The following RUSC2 variants were observed in gnomAD, a reference collection of about 807,000 sequenced individuals.
RUSC2 encodes the protein AP-4 complex accessory subunit RUSC2.
Under a neutral mutation model 122.2 loss-of-function variants are expected in RUSC2, and 34 were observed. The ratio of observed to expected loss-of-function variants is 0.28; its 90% CI spans 0.21 to 0.37. The LOEUF (loss-of-function observed/expected upper bound fraction) is 0.37. RUSC2 is among the 10% of genes least tolerant of loss of function. The pLI, the probability that RUSC2 is intolerant of heterozygous loss-of-function variation, is 1.00. For synonymous variants in RUSC2, 784 were observed against 790.0 expected (o/e 0.99, Z 0.13); for missense variants, 1,747 against 1,952.4 (o/e 0.89, Z 1.98).
rs1554726930 is a variant in RUSC2 at position 35,547,587 on chromosome 9, T to C, written c.1066T>C (p.Ser356Pro). 4 of 1,614,088 alleles carry C rather than the reference T, an allele frequency of 2.5e-6. No homozygotes were observed. Among genetic ancestry groups the C allele is most frequent in the Non-Finnish European group, 3.4e-6 (4 of 1,180,014 alleles). Residue 356 changes from serine (S) to proline (P), a missense_variant, in exon 2 of 12, where the codon TCT becomes CCT. Coordinates refer to ENST00000361226, the MANE Select transcript of RUSC2 (RefSeq NM_014806.5). The surrounding 1 kb of genome is among the most constrained non-coding windows in gnomAD (Gnocchi z 4.6). ...EGGYGCPHAS[S>P]PELDANCNSY... ...GGGCTATGGTTGCCCTCATGCCTCT[T>C]CTCCTGAGCTTGATGCCAACTGCAA...
chr9:35,534,545 G>T (rs919101344), intron 1 of RUSC2, among the ~76,000 whole-genome samples: 2 of 152,060 alleles, frequency 1.3e-5, no homozygotes, highest in African/African-American at 4.8e-5. Context: ...GCAGGGGTGC[G>T]ATCTCAGCTC....
Position 35,555,753 on chromosome 9 carries a change from C to T in RUSC2, c.2656+52C>T. 6.5e-7 allele frequency: 1 copy of T among 1,539,926 alleles called. No individual in the cohort carries two copies. Among genetic ancestry groups the T allele is most frequent in the Non-Finnish European group, 8.7e-7 (1 of 1,152,732 alleles). The stretch of plus-strand genomic sequence containing the variant: ...AACCCGCCACCTCACGCAAGCACTT[C>T]CACCACCTCCCCTTTGAGTGGTTGC... On this transcript the variant is annotated intron_variant, in intron 3 of 11. Transcript: ENST00000361226. This position sits in a 1 kb window ranked among gnomAD's most constrained non-coding sequence, Gnocchi z 4.6.
At chr9:35,503,816 C>G (rs946260262) in intron 1 of RUSC2, among the ~76,000 whole-genome samples, 2 of 152,008 alleles carry the variant, frequency 1.3e-5, no homozygotes, top group Non-Finnish European at 2.9e-5. Flanking sequence ...ACTCTGTCAT[C>G]CAGGCTGGAG....
At position 35,546,814 on chromosome 9, in the gene RUSC2, A is replaced by G. The variant is rs1212195553; in HGVS notation, c.293A>G (p.Lys98Arg). The G allele has an allele frequency of 3.7e-6, 6 of 1,611,992 alleles. No homozygotes were observed. Among genetic ancestry groups the G allele is most frequent in the Admixed American group, 1.7e-5 (1 of 59,774 alleles). The change falls in exon 2 of 12, where the codon AAA becomes AGA. Residue 98 changes from lysine to arginine, a missense_variant. Transcript: ENST00000361226. The surrounding 1 kb of genome is among the most constrained non-coding windows in gnomAD (Gnocchi z 4.3). The part of the protein sequence containing the change: ...SRDGRGPGAP[K>R]RHNPFLLQEG... Reference sequence around the variant, plus strand: ...GATGGAAGAGGCCCTGGAGCCCCCAAACGACACAACCCCTTCTTGCTGCAG... The same window carrying G: ...GATGGAAGAGGCCCTGGAGCCCCCAGACGACACAACCCCTTCTTGCTGCAG...
intron 1 of RUSC2, among the ~76,000 whole-genome samples, chr9:35,522,388 G>C (rs1219942190): frequency 6.6e-6 from 1 of 152,238 alleles, no homozygotes; most frequent in Non-Finnish European, 1.5e-5. Context: ...AGTAAGGAGA[G>C]GGAATTGGAG....
chr9:35,558,154 C>A lies in RUSC2; in HGVS notation c.3061-43C>A. On this transcript the variant is annotated intron_variant, in intron 6 of 11. Transcript: ENST00000361226. This position sits in a 1 kb window ranked among gnomAD's most constrained non-coding sequence, Gnocchi z 4.3. ...GGGCCTGCTACGAGAGGACCACAGT[C>A]AGGCCTGAGGGGGTTTCCTGCACTT... 1 of 1,601,914 alleles carries A rather than the reference C, an allele frequency of 6.2e-7. No individual in the cohort carries two copies. The highest frequency in any genetic ancestry group is 8.5e-7 in the Non-Finnish European group (1 of 1,174,188).
At chr9:35,554,504 A>G (rs1821966159) in intron 2 of RUSC2, among the ~76,000 whole-genome samples, 1 of 152,224 alleles carries the variant, frequency 6.6e-6, no homozygotes, top group Admixed American at 6.5e-5. Context: ...GAAGTCAGTA[A>G]CATCTGAAAC....
intron 1 of RUSC2, among the ~76,000 whole-genome samples, chr9:35,505,657 T>C (rs1162131562): frequency 6.6e-6 from 1 of 152,182 alleles, no homozygotes; most frequent in African/African-American, 2.4e-5. Flanking sequence ...TTGAAAATGA[T>C]TGAAATCCAA....
chr9:35,556,096 G>T lies in RUSC2; in HGVS notation c.2801G>T (p.Gly934Val), dbSNP rs753299641. ...ARRNPIFEFP[G>V]SLSAASHLNC... ...AGAAACCCTATCTTTGAGTTCCCTGGCTCCCTCAGTGCTGCCAGCCATCTG... is the reference window on the plus strand; with the variant it reads ...AGAAACCCTATCTTTGAGTTCCCTGTCTCCCTCAGTGCTGCCAGCCATCTG... The change falls in exon 4 of 12, where the codon GGC becomes GTC. Residue 934 changes from glycine to valine, a missense_variant. Physicochemically the swap from Gly to Val is moderately radical, Grantham distance 109 (BLOSUM62 -3). Transcript: ENST00000361226. 2 of 1,614,166 alleles carry T rather than the reference G, an allele frequency of 1.2e-6. No homozygotes were observed. The highest frequency in any genetic ancestry group is 1.6e-4 in the Middle Eastern group (1 of 6,062).
chr9:35,508,030 A>G (rs1422547714), intron 1 of RUSC2, among the ~76,000 whole-genome samples: 2 of 152,094 alleles, frequency 1.3e-5, no homozygotes, highest in Admixed American at 1.3e-4. Flanking sequence ...CTTTGCAACA[A>G]ATGTTTCATC....
At chr9:35,511,130 A>C (rs1284112389) in intron 1 of RUSC2, among the ~76,000 whole-genome samples, 1 of 152,230 alleles carries the variant, frequency 6.6e-6, no homozygotes, top group East Asian at 1.9e-4. Flanking sequence ...GTAACTTTAT[A>C]GACTGCCCTT....
intron 2 of RUSC2, among the ~76,000 whole-genome samples, chr9:35,554,094 G>A (rs1821956425): frequency 6.6e-6 from 1 of 152,198 alleles, no homozygotes; most frequent in African/African-American, 2.4e-5. Flanking sequence ...CCCACTGCTG[G>A]TGAGCTTTCA....
chr9:35,543,590 A>G (rs1032445939), intron 1 of RUSC2, among the ~76,000 whole-genome samples: 1 of 152,202 alleles, frequency 6.6e-6, no homozygotes, highest in East Asian at 1.9e-4. Context: ...TCTTCTATGC[A>G]TACAGACATG....
At position 35,547,663 on chromosome 9, in the gene RUSC2, C is replaced by T; in HGVS notation, c.1142C>T (p.Ala381Val). Residue 381 changes from alanine (A) to valine (V), a missense_variant, in exon 2 of 12, where the codon GCC becomes GTC. Physicochemically the swap from Ala to Val is moderately conservative, Grantham distance 64 (BLOSUM62 0). Coordinates refer to ENST00000361226, the MANE Select transcript of RUSC2 (RefSeq NM_014806.5). The surrounding 1 kb of genome is among the most constrained non-coding windows in gnomAD (Gnocchi z 4.6). ...TGCCCAGCAGTGGCTGACCTCACAGCCTGCTTCCAAAGCCAGGCCCGTCTT... is the reference window on the plus strand; with the variant it reads ...TGCCCAGCAGTGGCTGACCTCACAGTCTGCTTCCAAAGCCAGGCCCGTCTT... ...EPCPAVADLT[A>V]CFQSQARLVV... The T allele has an allele frequency of 6.2e-7, 1 of 1,614,210 alleles. No individual in the cohort carries two copies. Among genetic ancestry groups the T allele is most frequent in the Non-Finnish European group, 8.5e-7 (1 of 1,180,034 alleles).
intron 1 of RUSC2, among the ~76,000 whole-genome samples, chr9:35,498,839 A>C (rs1219632120): frequency 6.7e-6 from 1 of 149,030 alleles, no homozygotes; most frequent in Non-Finnish European, 1.5e-5. Context: ...GTGAGACTAC[A>C]TCTCAAAAAA....
Position 35,561,845 on chromosome 9 carries a change from T to TATTTA in RUSC2, c.*464_*468dup, listed in dbSNP as rs1284765189. On this transcript the variant is annotated 3_prime_UTR_variant, in exon 12 of 12. Transcript: ENST00000361226. ...GAGCCCAGGCGTCTGTTTATGTATT[T>TATTTA]ATTTATTTATTTATTATACCTATTA... 1 of 627,224 alleles carries TATTTA rather than the reference T, an allele frequency of 1.6e-6. No individual in the cohort carries two copies. The highest frequency in any genetic ancestry group is 1.8e-5 in the African/African-American group (1 of 54,254). 38.9% of individuals were successfully genotyped at this position (627,224 alleles called of 1,614,324 possible).
At chr9:35,552,347 T>TGA (rs2132561170) in intron 2 of RUSC2, among the ~76,000 whole-genome samples, 1 of 152,188 alleles carries the variant, frequency 6.6e-6, no homozygotes, top group Admixed American at 6.5e-5. Context: ...GGTGACAAAG[T>TGA]GAGACTCTGT....
chr9:35,503,291 C>G (rs1459492567), intron 1 of RUSC2, among the ~76,000 whole-genome samples: 1 of 152,176 alleles, frequency 6.6e-6, no homozygotes, highest in East Asian at 1.9e-4. Flanking sequence ...TCCCCAAAGT[C>G]TATTATATCA....
At chr9:35,494,123 T>G (rs1253486980) in intron 1 of RUSC2, among the ~76,000 whole-genome samples, 1 of 152,086 alleles carries the variant, frequency 6.6e-6, no homozygotes, top group Non-Finnish European at 1.5e-5. Context: ...AGGGCTCCAA[T>G]TTTTCCACAT....
Sources: gnomAD v4.1 joint callset for allele counts (sites outside exome capture counted in the v4.1 genomes callset) on GRCh38, gnomAD v4.1.1 for gene constraint, Gnocchi (gnomAD v3.1) non-coding constraint, MANE v1.5 for transcripts, NCBI Gene and HGNC (gene_info 2026-07-23, HGNC 2026-07-21) for gene names.